CACNA2D3: variants seen among roughly 807,000 people sequenced by gnomAD.
CACNA2D3 encodes the protein voltage-dependent calcium channel subunit alpha-2/delta-3.
A neutral mutation model predicts 160.6 loss-of-function variants in CACNA2D3; 60 were observed. The ratio of observed to expected loss-of-function variants is 0.37; its 90% CI spans 0.30 to 0.46. The LOEUF (loss-of-function observed/expected upper bound fraction) is 0.46, where lower values mean the gene tolerates loss of function less well. Among genes scored for constraint, CACNA2D3 ranks in the 20% least tolerant of loss-of-function variants. The pLI, the probability that CACNA2D3 is intolerant of heterozygous loss-of-function variation, is 1.00. For synonymous variants in CACNA2D3, 558 were observed against 492.9 expected (o/e 1.13, Z -1.75); for missense variants, 1,205 against 1,365.0 (o/e 0.88, Z 1.85).
At chr3:54,217,195 C>T (rs2107371466) in intron 2 of CACNA2D3, among the ~76,000 whole-genome samples, 1 of 152,218 alleles carries the variant, frequency 6.6e-6, no homozygotes. Flanking sequence ...GGTGAAGCAG[C>T]CAGAGGCGTG....
chr3:54,165,528 A>T (rs1207838706), intron 2 of CACNA2D3, among the ~76,000 whole-genome samples: 1 of 151,870 alleles, frequency 6.6e-6, no homozygotes, highest in Non-Finnish European at 1.5e-5. Flanking sequence ...GGGGTTTCTA[A>T]CAAATGAAGA....
intron 2 of CACNA2D3, among the ~76,000 whole-genome samples, chr3:54,270,881 C>T (rs994576271): frequency 6.6e-6 from 1 of 152,338 alleles, no homozygotes; most frequent in East Asian, 1.9e-4. Flanking sequence ...CACTGAGTCC[C>T]TCTCAAGCTT....
intron 4 of CACNA2D3, among the ~76,000 whole-genome samples, chr3:54,412,341 C>A (rs1477792340): frequency 6.6e-6 from 1 of 151,206 alleles, no homozygotes; most frequent in Non-Finnish European, 1.5e-5. Context: ...GTATTAAAGT[C>A]TTCAAATATG....
chr3:54,503,687 G>T (rs1347064172), intron 5 of CACNA2D3, 33 bp downstream of exon 5: 1 of 1,601,444 alleles, frequency 6.2e-7, no homozygotes, highest in African/African-American at 1.3e-5. Flanking sequence ...CTTTTAGAAG[G>T]TGAAGAATCA....
At chr3:54,808,732 A>T (rs1180040892) in intron 13 of CACNA2D3, among the ~76,000 whole-genome samples, 1 of 152,108 alleles carries the variant, frequency 6.6e-6, no homozygotes, top group Non-Finnish European at 1.5e-5. Flanking sequence ...ATTAGTAGAG[A>T]TAGGAGTCAC....
chr3:54,337,065 T>C (rs149358226), intron 3 of CACNA2D3, among the ~76,000 whole-genome samples: 2 of 152,018 alleles, frequency 1.3e-5, no homozygotes, highest in African/African-American at 2.4e-5. Flanking sequence ...TACACAGACA[T>C]AGAACGAGAC....
At chr3:55,056,421 A>C (rs1363051557) in intron 35 of CACNA2D3, among the ~76,000 whole-genome samples, 2 of 152,176 alleles carry the variant, frequency 1.3e-5, no homozygotes, top group African/African-American at 4.8e-5. Context: ...CTAAAAATAG[A>C]ATTACCGTAA....
At chr3:54,607,126 A>G (rs547385890) in intron 9 of CACNA2D3, among the ~76,000 whole-genome samples, 1 of 152,318 alleles carries the variant, frequency 6.6e-6, no homozygotes, top group African/African-American at 2.4e-5. Context: ...TGCCATTGCC[A>G]CTGAGAATGA....
rs376114168 is a variant in CACNA2D3, at chr3:54,318,693, CT to C, written c.205-1732del. On this transcript the variant is annotated intron_variant, in intron 2 of 37. Coordinates refer to ENST00000474759, the MANE Select transcript of CACNA2D3 (RefSeq NM_018398.3). ...CTGCCTGTAAGGGTAAGAGGAGTAT[CT>C]TTTTTTTTTTTTTTTTCTGAGACAA... Among the ~76,000 whole-genome samples the C allele has an allele frequency of 9.5e-3, 1,238 of 129,736 alleles. 24 individuals are homozygous for C. The highest frequency in any genetic ancestry group is 0.033 in the African/African-American group (1,118 of 33,902). 85.1% of individuals were successfully genotyped at this position (129,736 alleles called of 152,430 possible). A position where few individuals can be genotyped will look rare whatever the true frequency, so the allele number is the denominator to read the frequency against.
At chr3:54,885,087 A>C (rs1699890350) in intron 21 of CACNA2D3, among the ~76,000 whole-genome samples, 194 bp from the exon 22 acceptor site, 1 of 152,062 alleles carries the variant, frequency 6.6e-6, no homozygotes, top group Admixed American at 6.6e-5. Flanking sequence ...TGAGGTAGAG[A>C]TGGGGAGAGA....
intron 27 of CACNA2D3, among the ~76,000 whole-genome samples, chr3:54,942,910 G>A (rs961326505): frequency 3.9e-5 from 6 of 152,158 alleles, no homozygotes; most frequent in Non-Finnish European, 7.3e-5. Context: ...TGTAGTCCCA[G>A]CTACTCAGGA....
chr3:54,816,145 G>C (rs1703446044), intron 13 of CACNA2D3, among the ~76,000 whole-genome samples: 2 of 152,098 alleles, frequency 1.3e-5, no homozygotes, highest in Non-Finnish European at 2.9e-5. Context: ...CCTTTTCCTT[G>C]TTCTTAGAAC....
At chr3:54,819,021 G>A (rs1313571100) in intron 14 of CACNA2D3, among the ~76,000 whole-genome samples, 1 of 152,068 alleles carries the variant, frequency 6.6e-6, no homozygotes. Flanking sequence ...GTCTCCACCT[G>A]GTAATGTATT....
intron 4 of CACNA2D3, among the ~76,000 whole-genome samples, chr3:54,481,033 T>C (rs779527052): frequency 2.0e-5 from 3 of 152,170 alleles, no homozygotes; most frequent in African/African-American, 7.2e-5. Flanking sequence ...TTTGTCTCTG[T>C]TGGGGAGAAC....
chr3:54,909,560 G>A (rs1700514361), intron 27 of CACNA2D3, among the ~76,000 whole-genome samples: 1 of 151,866 alleles, frequency 6.6e-6, no homozygotes, highest in South Asian at 2.1e-4. Flanking sequence ...TGTCCAACCT[G>A]CAGCCCATGG....
chr3:54,478,305 AT>A (rs1700865086), intron 4 of CACNA2D3, among the ~76,000 whole-genome samples: 1 of 152,058 alleles, frequency 6.6e-6, no homozygotes, highest in Non-Finnish European at 1.5e-5. Flanking sequence ...TGGTCTGAAA[AT>A]ATTACATGGC....
chr3:55,070,806 T>C (rs1704787558), intron 35 of CACNA2D3, among the ~76,000 whole-genome samples: 1 of 152,258 alleles, frequency 6.6e-6, no homozygotes, highest in Non-Finnish European at 1.5e-5. Context: ...TTTTTAACTT[T>C]TAATTTTCAC....
At chr3:54,179,628 A>G (rs1361318269) in intron 2 of CACNA2D3, among the ~76,000 whole-genome samples, 1 of 152,204 alleles carries the variant, frequency 6.6e-6, no homozygotes, top group African/African-American at 2.4e-5. Flanking sequence ...CCGAATTTGT[A>G]TTCATATGTT....
intron 2 of CACNA2D3, among the ~76,000 whole-genome samples, chr3:54,304,971 C>T (rs1361809868): frequency 6.6e-6 from 1 of 151,872 alleles, no homozygotes; most frequent in Non-Finnish European, 1.5e-5. Context: ...TAATTTGCAT[C>T]TGTATTTAGC....
Sources: allele counts gnomAD v4.1 joint callset (sites outside exome capture counted in the v4.1 genomes callset), GRCh38; gene constraint gnomAD v4.1.1; transcripts MANE v1.5; gene names NCBI Gene and HGNC (gene_info 2026-07-23, HGNC 2026-07-21).